CFAP221: variants seen among roughly 807,000 people sequenced by gnomAD.
CFAP221 encodes the protein cilia- and flagella-associated protein 221.
In CFAP221, 97 loss-of-function variants were observed where a neutral mutation model predicts 113.1. The observed-to-expected ratio is 0.86, with a 90% CI of 0.73 to 1.02. The LOEUF is 1.02. Among genes scored for constraint, CFAP221 ranks in the 50% least tolerant of loss-of-function variants. The pLI is 0.00. For missense variants in CFAP221, 1,025 were observed against 1,013.4 expected, an observed-to-expected ratio of 1.01 and a Z score of -0.16; for synonymous variants, 331 against 354.4, an observed-to-expected ratio of 0.93 and a Z score of 0.74.
intron 7 of CFAP221, among the ~76,000 whole-genome samples, chr2:119,599,298 A>G (rs777525027): frequency 2.0e-5 from 3 of 152,226 alleles, no homozygotes; most frequent in Non-Finnish European, 4.4e-5. Flanking sequence ...AAGGTAACAC[A>G]TCAAGGGAAC....
At chr2:119,657,519 A>T (rs769889647), downstream of CFAP221, among the ~76,000 whole-genome samples, 32 of 152,364 alleles carry the variant, frequency 2.1e-4, no homozygotes, top group Non-Finnish European at 3.7e-4. Flanking sequence ...TTATTTAGAA[A>T]TATTTTTAAA....
chr2:119,584,480 A>T (rs907609207), intron 6 of CFAP221, among the ~76,000 whole-genome samples: 13 of 152,072 alleles, frequency 8.5e-5, no homozygotes, highest in African/African-American at 2.9e-4. Flanking sequence ...CCAGCTACTC[A>T]GGAGACTGAG....
intron 23 of CFAP221, among the ~76,000 whole-genome samples, chr2:119,654,681 C>A (rs1364519017): frequency 2.0e-5 from 3 of 152,180 alleles, no homozygotes; most frequent in Admixed American, 1.3e-4. Context: ...TAAACATTTT[C>A]TGCACACCAA....
intron 6 of CFAP221, among the ~76,000 whole-genome samples, chr2:119,575,407 T>A (rs1574038920): frequency 6.6e-6 from 1 of 152,296 alleles, no homozygotes; most frequent in Non-Finnish European, 1.5e-5. Flanking sequence ...TATCTGCAAC[T>A]CTGGTGAGGT....
At chr2:119,620,382 C>T (rs1254627722) in intron 14 of CFAP221, among the ~76,000 whole-genome samples, 2 of 152,202 alleles carry the variant, frequency 1.3e-5, no homozygotes, top group South Asian at 4.1e-4. Flanking sequence ...ATCAGACCAA[C>T]AGCGGACCTC....
At chr2:119,629,376 G>T (rs1402895) in intron 16 of CFAP221, among the ~76,000 whole-genome samples, 7,718 of 152,260 alleles carry the variant, frequency 0.051, 301 homozygotes, top group Admixed American at 0.091. Flanking sequence ...CTCAACAAAG[G>T]CCTCAGCTGG....
intron 20 of CFAP221, among the ~76,000 whole-genome samples, chr2:119,638,829 T>TC (rs200973804): frequency 0.016 from 2,402 of 151,514 alleles, 56 homozygotes; most frequent in African/African-American, 0.052. Flanking sequence ...AGGAATTACT[T>TC]CCCCCCCAGG....
chr2:119,559,155 TCTC>T (rs1484768308), intron 3 of CFAP221, among the ~76,000 whole-genome samples: 1 of 152,210 alleles, frequency 6.6e-6, no homozygotes, highest in African/African-American at 2.4e-5. Context: ...GGGATGGCCT[TCTC>T]CTGTCACTGT....
In CFAP221 at chr2:119,611,420, CA is replaced by C. The variant is rs10689517; in HGVS notation, c.1222-213del. ...CCTGGGTGACAGAGCGAGACAACGT[CA>C]AAAAAAAAAAAAAAAAAAAGGAGGT... is the stretch of plus-strand genomic sequence containing the variant. On this transcript the variant is annotated intron_variant, in intron 12 of 23. Coordinates refer to ENST00000413369, the MANE Select transcript of CFAP221 (RefSeq NM_001271049.2). Among the ~76,000 whole-genome samples, 506 of 113,448 alleles carry C rather than the reference CA, an allele frequency of 4.5e-3. 16 individuals carry two copies. Among genetic ancestry groups the C allele is most frequent in the African/African-American group, 0.018 (449 of 25,304 alleles). The allele number at this position is 113,448 out of a possible 152,430, so 74.4% of individuals were successfully genotyped here.
At chr2:119,581,923 G>GA (rs912642689) in intron 6 of CFAP221, among the ~76,000 whole-genome samples, 12 of 150,582 alleles carry the variant, frequency 8.0e-5, no homozygotes, top group African/African-American at 2.4e-4. Flanking sequence ...AAATAAATAA[G>GA]AAAAAAAAGA....
intron 6 of CFAP221, chr2:119,573,390 T>C (rs1034140530): frequency 2.6e-5 from 4 of 152,192 alleles, no homozygotes; most frequent in East Asian, 1.9e-4. Context: ...AAGCTTGAAG[T>C]TGATGGAAAG....
At chr2:119,654,205 GA>G (rs1030762694) in intron 23 of CFAP221, among the ~76,000 whole-genome samples, 1 of 152,040 alleles carries the variant, frequency 6.6e-6, no homozygotes, top group African/African-American at 2.4e-5. Context: ...TCTGGTAAAA[GA>G]AAATGTAAGA....
intron 7 of CFAP221, among the ~76,000 whole-genome samples, chr2:119,593,700 G>T (rs574285097): frequency 1.4e-4 from 21 of 152,244 alleles, no homozygotes; most frequent in Middle Eastern, 3.4e-3. Context: ...TTAGCCAGGC[G>T]TAGTGACGGG....
intron 6 of CFAP221, among the ~76,000 whole-genome samples, chr2:119,565,326 A>G (rs564112149): frequency 2.6e-5 from 4 of 152,150 alleles, no homozygotes; most frequent in Non-Finnish European, 5.9e-5. Flanking sequence ...AAATATAGCA[A>G]TTTTTATCAA....
intron 3 of CFAP221, among the ~76,000 whole-genome samples, chr2:119,555,170 G>T (rs946004649): frequency 1.3e-5 from 2 of 152,150 alleles, no homozygotes; most frequent in Non-Finnish European, 2.9e-5. Context: ...TTTTTGTGGG[G>T]TTTTTGTGGA....
chr2:119,613,599 G>T (rs1309081239), intron 13 of CFAP221, among the ~76,000 whole-genome samples: 2 of 152,284 alleles, frequency 1.3e-5, no homozygotes, highest in South Asian at 2.1e-4. Flanking sequence ...GCCCCTTTTA[G>T]TTATGGCTGG....
chr2:119,585,734 A>G (rs1038314395), intron 6 of CFAP221, among the ~76,000 whole-genome samples: 1 of 152,216 alleles, frequency 6.6e-6, no homozygotes, highest in Non-Finnish European at 1.5e-5. Flanking sequence ...TTGCTACTGA[A>G]AAAAGGGTTA....
At position 119,605,262 on chromosome 2, in the gene CFAP221, A is replaced by T. The variant is rs1185442756; in HGVS notation, c.1106A>T (p.His369Leu). 6.2e-7 allele frequency: 1 copy of T among 1,614,012 alleles called. No individual in the cohort carries two copies. Reference protein sequence around the residue: ...LFEQKVRQDIHEEMENHLKWQ... With the variant: ...LFEQKVRQDILEEMENHLKWQ... ...GAACAGAAAGTCAGACAGGACATTC[A>T]CGAAGAGATGGAAAATCATCTTAAG... Residue 369 changes from histidine (H) to leucine (L), a missense_variant, in exon 11 of 24, where the codon CAC (histidine) becomes CTC (leucine). Physicochemically the swap from His to Leu is moderately conservative, Grantham distance 99. Transcript: ENST00000413369.
intron 22 of CFAP221, among the ~76,000 whole-genome samples, chr2:119,649,799 G>A (rs967076972): frequency 6.6e-6 from 1 of 152,208 alleles, no homozygotes; most frequent in Admixed American, 6.5e-5. Flanking sequence ...TGCATTCTCA[G>A]TACATCCTTG....
Sources: gnomAD v4.1 joint callset for allele counts (sites outside exome capture counted in the v4.1 genomes callset) on GRCh38, gnomAD v4.1.1 for gene constraint, MANE v1.5 for transcripts, NCBI Gene and HGNC (gene_info 2026-07-23, HGNC 2026-07-21) for gene names.